UNC13B: variants seen among roughly 807,000 people sequenced by gnomAD.
UNC13B encodes the protein protein unc-13 homolog B.
UNC13B carries 144 observed loss-of-function variants against 211.0 expected under a neutral mutation model. The ratio of observed to expected loss-of-function variants is 0.68; its 90% CI spans 0.60 to 0.78. The LOEUF is 0.78. UNC13B is among the 30% of genes least tolerant of loss of function. The pLI, the probability that UNC13B is intolerant of heterozygous loss-of-function variation, is 0.00. For synonymous variants in UNC13B, 709 were observed against 725.8 expected (o/e 0.98, Z 0.37); for missense variants, 1,777 against 2,002.0 (o/e 0.89, Z 2.14).
In UNC13B at chr9:35,385,711, T is replaced by C. The variant is rs1438558660; in HGVS notation, c.10876-13T>C. ...CCTCTGTTCCTTTCTTACATTTGCT[T>C]GATTTGCAACAGAATAATTTCCCTG... On this transcript the variant is annotated splice_polypyrimidine_tract_variant and intron_variant, in intron 22 of 39. Transcript: ENST00000635942. 4 of 1,590,022 alleles carry C rather than the reference T, an allele frequency of 2.5e-6. No individual in the cohort carries two copies. The highest frequency in any genetic ancestry group is 3.4e-6 in the Non-Finnish European group (4 of 1,162,158).
At chr9:35,367,864 T>C (rs10814232) in intron 12 of UNC13B, among the ~76,000 whole-genome samples, 25,190 of 152,098 alleles carry the variant, frequency 0.17, 3,169 homozygotes, top group African/African-American at 0.34. Context: ...AAGTACCTTC[T>C]CATTCCCCAC....
intron 11 of UNC13B, among the ~76,000 whole-genome samples, chr9:35,320,252 C>G (rs1461030397): frequency 3.3e-5 from 5 of 152,134 alleles, no homozygotes; most frequent in East Asian, 3.9e-4. Context: ...TCATTATATA[C>G]CCAGTAATGG....
In UNC13B at chr9:35,403,785, T is replaced by G. The variant is rs769706042; in HGVS notation, c.12775T>G (p.Leu4259Val). ...GNEEGPESYE[L>V]QICVKDYCFA... ...TGAGGAGGGGCCCGAGTCCTATGAG[T>G]TGCAGATATGCGTGAAGGATTACTG... Residue 4259 changes from leucine to valine, a missense_variant, in exon 40 of 40, where the codon TTG (leucine) becomes GTG (valine). Coordinates refer to ENST00000635942, the MANE Select transcript of UNC13B (RefSeq NM_001371189.2). 9 of 1,613,872 alleles carry G rather than the reference T, an allele frequency of 5.6e-6. No individual in the cohort carries two copies. Among genetic ancestry groups the G allele is most frequent in the African/African-American group, 1.3e-5 (1 of 74,832 alleles).
At chr9:35,345,062 A>G (rs1832263926) in intron 11 of UNC13B, among the ~76,000 whole-genome samples, 1 of 152,230 alleles carries the variant, frequency 6.6e-6, no homozygotes, top group African/African-American at 2.4e-5. Context: ...AGGAAATTCT[A>G]GAGGAAGAGG....
At chr9:35,327,539 C>A (rs1396289268) in intron 11 of UNC13B, among the ~76,000 whole-genome samples, 3 of 152,182 alleles carry the variant, frequency 2.0e-5, no homozygotes, top group African/African-American at 7.2e-5. Flanking sequence ...ACTCAGCAAG[C>A]AAATTTATTC....
chr9:35,367,710 A>G (rs1316425086), intron 12 of UNC13B, among the ~76,000 whole-genome samples: 1 of 152,140 alleles, frequency 6.6e-6, no homozygotes, highest in Non-Finnish European at 1.5e-5. Flanking sequence ...TAGTCAGGAT[A>G]TAAGTAACAC....
chr9:35,216,366 C>G (rs1227929209), intron 1 of UNC13B, among the ~76,000 whole-genome samples: 1 of 152,182 alleles, frequency 6.6e-6, no homozygotes, highest in African/African-American at 2.4e-5. Context: ...GAGAAGACGA[C>G]AGACCAGCTA....
chr9:35,225,523 G>A (rs1402670908), intron 1 of UNC13B, among the ~76,000 whole-genome samples: 1 of 151,884 alleles, frequency 6.6e-6, no homozygotes, highest in Non-Finnish European at 1.5e-5. Context: ...TTAATGTTAT[G>A]GAGTGGCTTT....
intron 6 of UNC13B, among the ~76,000 whole-genome samples, chr9:35,255,464 A>G (rs1202433532): frequency 3.3e-5 from 5 of 152,130 alleles, no homozygotes; most frequent in Non-Finnish European, 7.3e-5. Flanking sequence ...CCAGCTGTGC[A>G]GGAGACTGCA....
At chr9:35,184,674 G>T (rs910635908) in intron 1 of UNC13B, among the ~76,000 whole-genome samples, 1 of 151,294 alleles carries the variant, frequency 6.6e-6, no homozygotes, top group Non-Finnish European at 1.5e-5. Flanking sequence ...CCGCAGTACA[G>T]TCCAGCCTCG....
At chr9:35,394,455 G>C (rs1036201918) in intron 26 of UNC13B, among the ~76,000 whole-genome samples, 4 of 152,166 alleles carry the variant, frequency 2.6e-5, no homozygotes, top group African/African-American at 9.7e-5. Context: ...CATTAGCCAG[G>C]TGTGCTGGCA....
chr9:35,253,011 T>C (rs1407977187), intron 6 of UNC13B, among the ~76,000 whole-genome samples: 4 of 152,228 alleles, frequency 2.6e-5, no homozygotes, highest in Non-Finnish European at 5.9e-5. Context: ...CATTCTCTTT[T>C]ATATTTTTAG....
At chr9:35,273,467 A>C (rs1828005686) in intron 7 of UNC13B, among the ~76,000 whole-genome samples, 1 of 152,168 alleles carries the variant, frequency 6.6e-6, no homozygotes, top group Non-Finnish European at 1.5e-5. Context: ...ATTAGACCTG[A>C]TATTCATATT....
chr9:35,356,630 C>T (rs1055228336), intron 11 of UNC13B, among the ~76,000 whole-genome samples: 11 of 152,124 alleles, frequency 7.2e-5, no homozygotes, highest in African/African-American at 2.4e-4. Context: ...CCATAAAATT[C>T]ACCTTAAAGT....
intron 5 of UNC13B, 72 bp from the exon 6 acceptor site, chr9:35,243,219 A>C: frequency 6.9e-7 from 1 of 1,457,156 alleles, no homozygotes; most frequent in East Asian, 2.3e-5. Flanking sequence ...AGACAGAGTA[A>C]AGTGTTATCT....
intron 5 of UNC13B, among the ~76,000 whole-genome samples, chr9:35,241,569 A>G (rs1225298585): frequency 6.9e-6 from 1 of 145,868 alleles, no homozygotes. Context: ...ACACACACAC[A>G]CACACACACA....
chr9:35,372,415 GC>G (rs1340529629), intron 13 of UNC13B, among the ~76,000 whole-genome samples: 1 of 152,276 alleles, frequency 6.6e-6, no homozygotes, highest in African/African-American at 2.4e-5. Context: ...TCCAGGGGCT[GC>G]CCCTAAAGCT....
intron 7 of UNC13B, among the ~76,000 whole-genome samples, chr9:35,290,368 G>T (rs1829035393): frequency 6.6e-6 from 1 of 151,300 alleles, no homozygotes; most frequent in Admixed American, 6.6e-5. Context: ...AGAAAAATTA[G>T]ATCTCTGTCT....
At chr9:35,352,558 AACAGGGG>A in intron 11 of UNC13B, 1 of 1,232,198 alleles carries the variant, frequency 8.1e-7, no homozygotes, top group Non-Finnish European at 1.0e-6. Flanking sequence ...TTCAGATGGA[AACAGGGG>A]ACAGGGGACC....
Sources: gnomAD v4.1 joint callset for allele counts (sites outside exome capture counted in the v4.1 genomes callset) on GRCh38, gnomAD v4.1.1 for gene constraint, MANE v1.5 for transcripts, NCBI Gene and HGNC (gene_info 2026-07-23, HGNC 2026-07-21) for gene names.